Variants in SERPINH1 observed in about 807,000 individuals in gnomAD.
SERPINH1 encodes the protein serpin family H member 1.
A neutral mutation model predicts 32.3 loss-of-function variants in SERPINH1; 22 were observed. The observed-to-expected ratio is 0.68, with a 90% CI of 0.49 to 0.97. The LOEUF is 0.97. Ranked by LOEUF, SERPINH1 falls within the 50% of genes least tolerant of loss-of-function variation. The pLI is 0.00. For missense variants in SERPINH1, 543 were observed against 576.4 expected (o/e 0.94, Z 0.59); for synonymous variants, 251 against 245.9 (o/e 1.02, Z -0.19).
intron 2 of SERPINH1, chr11:75,568,463 G>T: frequency 3.9e-6 from 2 of 516,594 alleles, no homozygotes; most frequent in Non-Finnish European, 3.5e-6. Context: ...TGACCTGAGG[G>T]CGGAATTAAT....
In SERPINH1 at chr11:75,566,333, C is replaced by T; in HGVS notation, c.-17C>T. 1 of 1,604,308 alleles carries T rather than the reference C, an allele frequency of 6.2e-7. No homozygotes were observed. The highest frequency in any genetic ancestry group is 8.5e-7 in the Non-Finnish European group (1 of 1,176,278). ...CCTCACAGGCCCACCGTGGTGCACG[C>T]AAACCACTTCCTGGCCATGCGCTCC... On this transcript the variant is annotated 5_prime_UTR_variant, in exon 2 of 5. Coordinates refer to ENST00000358171, the MANE Select transcript of SERPINH1 (RefSeq NM_001235.5).
chr11:75,565,643 C>A (rs1297830752), intron 1 of SERPINH1, among the ~76,000 whole-genome samples: 1 of 152,080 alleles, frequency 6.6e-6, no homozygotes, highest in Non-Finnish European at 1.5e-5. Flanking sequence ...CTCAGGGTCA[C>A]CCTTGGGGCA....
chr11:75,566,645 C>T lies in SERPINH1; in HGVS notation c.296C>T (p.Ala99Val). The change falls in exon 2 of 5, where the codon GCC becomes GTC. Residue 99 changes from alanine (A) to valine (V), a missense_variant. Ala to Val is a moderately conservative substitution (Grantham distance 64). Coordinates refer to ENST00000358171, the MANE Select transcript of SERPINH1 (RefSeq NM_001235.5). ...TCGCAGGCCAAGGCAGTGCTGAGCG[C>T]CGAGCAGCTGCGCGACGAGGAGGTG... ...TASQAKAVLS[A>V]EQLRDEEVHA... 6.2e-7 allele frequency: 1 copy of T among 1,608,020 alleles called. No individual in the cohort carries two copies. Among genetic ancestry groups the T allele is most frequent in the Non-Finnish European group, 8.5e-7 (1 of 1,178,470 alleles).
intron 4 of SERPINH1, among the ~76,000 whole-genome samples, chr11:75,569,736 A>C (rs186257704): frequency 6.6e-6 from 1 of 152,248 alleles, no homozygotes; most frequent in Admixed American, 6.5e-5. Flanking sequence ...ATACGTATTA[A>C]ACTCTTTTAA....
chr11:75,564,504 C>A (rs1299651034), intron 1 of SERPINH1, among the ~76,000 whole-genome samples: 1 of 152,184 alleles, frequency 6.6e-6, no homozygotes, highest in African/African-American at 2.4e-5. Flanking sequence ...GTAGGGTGGC[C>A]ATATGCCTAT....
rs757293522 is a variant in SERPINH1 at position 75,566,378 on chromosome 11, T to C, written c.29T>C (p.Phe10Ser). Residue 10 changes from phenylalanine to serine, a missense_variant, in exon 2 of 5, where the codon TTC becomes TCC. Phe to Ser is a radical substitution (Grantham distance 155, BLOSUM62 -2). Transcript: ENST00000358171. MRSLLLLSA[F>S]CLLEAALAAE... ...CGCTCCCTCCTGCTTCTCAGCGCCTTCTGCCTCCTGGAGGCGGCCCTGGCC... is the reference window on the plus strand; with the variant it reads ...CGCTCCCTCCTGCTTCTCAGCGCCTCCTGCCTCCTGGAGGCGGCCCTGGCC... 1.2e-5 allele frequency: 20 copies of C among 1,610,498 alleles called. No individual in the cohort carries two copies. The South Asian group carries it at 2.1e-4, about 17-fold the overall frequency.
intron 2 of SERPINH1, 104 bp downstream of exon 2, chr11:75,567,075 T>C: frequency 7.7e-7 from 1 of 1,305,634 alleles, no homozygotes; most frequent in South Asian, 1.4e-5. Context: ...CTCTCATTTA[T>C]GCTGTGACAA....
At chr11:75,571,698 C>T in intron 4 of SERPINH1, 83 bp from the exon 5 acceptor site, 1 of 1,322,140 alleles carries the variant, frequency 7.6e-7, no homozygotes, top group Non-Finnish European at 1.1e-6. Flanking sequence ...GAGGAGCGGT[C>T]AGGGTAGTAT....
In SERPINH1 at chr11:75,567,247, A is replaced by G. The variant is rs116279760; in HGVS notation, c.622+276A>G. On this transcript the variant is annotated intron_variant, in intron 2 of 4. Coordinates refer to ENST00000358171, the MANE Select transcript of SERPINH1 (RefSeq NM_001235.5). ...TTCGTCAAAGTGCTCGTCCTTGTGT[A>G]TCTTGGAATGAATAACATTTAATAA... is the stretch of plus-strand genomic sequence containing the variant. Among the ~76,000 whole-genome samples, 2,545 of 152,328 alleles carry G rather than the reference A, an allele frequency of 0.017. 42 individuals carry two copies. The highest frequency in any genetic ancestry group is 0.049 in the African/African-American group (2,031 of 41,564).
chr11:75,565,570 G>A (rs1942059781), intron 1 of SERPINH1, among the ~76,000 whole-genome samples: 4 of 151,900 alleles, frequency 2.6e-5, no homozygotes. Flanking sequence ...TGGAGACCTG[G>A]ACCTTTCAGC....
Position 75,566,803 on chromosome 11 carries a change from C to T in SERPINH1, c.454C>T (p.Gln152Ter). 3 of 1,613,208 alleles carry T rather than the reference C, an allele frequency of 1.9e-6. No individual in the cohort carries two copies. Among genetic ancestry groups the T allele is most frequent in the Non-Finnish European group, 2.5e-6 (3 of 1,179,978 alleles). Residue 152 changes from glutamine to a stop codon, truncating the protein, a stop_gained, in exon 2 of 5, where the codon CAG becomes TAG. Transcript: ENST00000358171. LOFTEE classifies it high-confidence loss of function. ...TGATGACTTCGTGCGCAGCAGCAAG[C>T]AGCACTACAACTGCGAGCACTCCAA... ...FADDFVRSSK[Q>*]HYNCEHSKIN...
chr11:75,564,795 T>C (rs886168322), intron 1 of SERPINH1, among the ~76,000 whole-genome samples: 11 of 152,178 alleles, frequency 7.2e-5, no homozygotes, highest in African/African-American at 2.4e-4. Flanking sequence ...TATCTTATAC[T>C]GCACCTTCAA....
chr11:75,570,328 G>A lies in SERPINH1; in HGVS notation c.954+1157G>A, dbSNP rs187740559. 1.8e-3 allele frequency among the ~76,000 whole-genome samples: 270 copies of A among 152,256 alleles called. 1 individual carries two copies. The highest frequency in any genetic ancestry group is 6.0e-3 in the African/African-American group (251 of 41,538). The stretch of plus-strand genomic sequence containing the variant: ...CTTAGGCTCCAAACCAGGGACAAGT[G>A]GAGCTCGTACTGGTCTGTGCTGTAG... On this transcript the variant is annotated intron_variant, in intron 4 of 4. Coordinates refer to ENST00000358171, the MANE Select transcript of SERPINH1 (RefSeq NM_001235.5).
At chr11:75,565,408 T>C (rs534453994) in intron 1 of SERPINH1, among the ~76,000 whole-genome samples, 8 of 152,312 alleles carry the variant, frequency 5.3e-5, no homozygotes, top group African/African-American at 1.9e-4. Flanking sequence ...CCTGTCCTTG[T>C]GCTATGTCAG....
chr11:75,571,967 C>T lies in SERPINH1; in HGVS notation c.1141C>T (p.Leu381=). 6.2e-7 allele frequency: 1 copy of T among 1,614,210 alleles called. No individual in the cohort carries two copies. The highest frequency in any genetic ancestry group is 8.5e-7 in the Non-Finnish European group (1 of 1,180,040). Reference sequence around the variant, plus strand: ...GCGCGAGGAGCTGCGCAGCCCCAAGCTGTTCTACGCCGACCACCCCTTCAT... The same window carrying T: ...GCGCGAGGAGCTGCGCAGCCCCAAGTTGTTCTACGCCGACCACCCCTTCAT... ...YGREELRSPK[L]FYADHPFIFL... The change falls in exon 5 of 5, where the codon CTG becomes TTG. Residue 381 remains leucine, a synonymous_variant. Transcript: ENST00000358171.
In SERPINH1 at chr11:75,569,022, A is replaced by T. The variant is rs1942150125; in HGVS notation, c.805A>T (p.Ile269Phe). 8.1e-6 allele frequency: 13 copies of T among 1,614,236 alleles called. No individual in the cohort carries two copies. The highest frequency in any genetic ancestry group is 1.1e-5 in the Non-Finnish European group (13 of 1,180,050). The change falls in exon 4 of 5, where the codon ATC becomes TTC. Residue 269 changes from isoleucine to phenylalanine, a missense_variant. Transcript: ENST00000358171. ...GGCCCACAAGCTCTCCAGCCTCATCATCCTCATGCCCCATCACGTGGAGCC... is the reference window on the plus strand; with the variant it reads ...GGCCCACAAGCTCTCCAGCCTCATCTTCCTCATGCCCCATCACGTGGAGCC... Reference protein sequence around the residue: ...PLAHKLSSLIILMPHHVEPLE... With the variant: ...PLAHKLSSLIFLMPHHVEPLE...
rs1837362783 is a variant in SERPINH1, at chr11:75,566,294, CCTGT to C, written c.-34-17_-34-14del. The C allele has an allele frequency of 1.3e-6, 2 of 1,575,846 alleles. No individual in the cohort carries two copies. The highest frequency in any genetic ancestry group is 3.7e-5 in the Admixed American group (2 of 54,330). Reference sequence around the variant, plus strand: ...GGAAGGCCTTGGGCTTCAAGACCACCCTGTCTGTGCAATCCTCACAGGCCCACCG... The same window carrying C: ...GGAAGGCCTTGGGCTTCAAGACCACCCTGTGCAATCCTCACAGGCCCACCG... On this transcript the variant is annotated intron_variant, in intron 1 of 4. Transcript: ENST00000358171.
intron 1 of SERPINH1, among the ~76,000 whole-genome samples, chr11:75,566,052 C>T (rs1449495939): frequency 9.2e-5 from 14 of 152,236 alleles, no homozygotes; most frequent in Admixed American, 9.2e-4. Flanking sequence ...GAAATAAACA[C>T]ACAAATAAGT....
Position 75,566,576 on chromosome 11 carries a change from CGTCGCTAGGGCTCGT to C in SERPINH1, c.234_248del (p.Leu80_Gly84del). Reference sequence around the variant, plus strand: ...CTGGTGTCACCCGTGGTGGTGGCCTCGTCGCTAGGGCTCGTGTCGCTGGGCGGCAAGGCGACCACG... The same window carrying C: ...CTGGTGTCACCCGTGGTGGTGGCCTCGTCGCTGGGCGGCAAGGCGACCACG... On this transcript the variant is annotated inframe_deletion, in exon 2 of 5. Transcript: ENST00000358171. The C allele has an allele frequency of 1.9e-6, 3 of 1,609,936 alleles. No individual in the cohort carries two copies. Among genetic ancestry groups the C allele is most frequent in the Non-Finnish European group, 2.5e-6 (3 of 1,179,432 alleles).
Sources: gnomAD v4.1 joint callset for allele counts (sites outside exome capture counted in the v4.1 genomes callset) on GRCh38, gnomAD v4.1.1 for gene constraint, MANE v1.5 for transcripts, NCBI Gene and HGNC (gene_info 2026-07-23, HGNC 2026-07-21) for gene names.